Variants in PDE10A observed in about 807,000 individuals in gnomAD.
PDE10A encodes cAMP and cAMP-inhibited cGMP 3',5'-cyclic phosphodiesterase 10A.
Under a neutral mutation model 97.7 loss-of-function variants are expected in PDE10A, and 39 were observed. The observed-to-expected ratio is 0.40, with a 90% confidence interval of 0.31 to 0.52. The LOEUF is 0.52. Ranked by LOEUF, PDE10A falls within the 20% of genes least tolerant of loss-of-function variation. The pLI, the probability that PDE10A is intolerant of heterozygous loss-of-function variation, is 0.56. For synonymous variants in PDE10A, 371 were observed against 376.8 expected (o/e 0.98, Z 0.18); for missense variants, 731 against 1,047.8 (o/e 0.70, Z 4.17).
At chr6:165,601,148 G>A (rs1164688369) in intron 1 of PDE10A, among the ~76,000 whole-genome samples, 2 of 152,134 alleles carry the variant, frequency 1.3e-5, no homozygotes, top group Admixed American at 1.3e-4. Context: ...GGGTTACCAG[G>A]GGTTTCCACT....
At chr6:165,806,658 C>A (rs908632962) in intron 1 of PDE10A, among the ~76,000 whole-genome samples, 2 of 151,968 alleles carry the variant, frequency 1.3e-5, no homozygotes, top group Non-Finnish European at 2.9e-5. Context: ...CGCCCCCCCC[C>A]AGGCTCTTCT....
At chr6:165,483,781 C>T (rs902422521) in intron 2 of PDE10A, among the ~76,000 whole-genome samples, 15 of 152,194 alleles carry the variant, frequency 9.9e-5, no homozygotes, top group African/African-American at 2.9e-4. Context: ...CTGCTAGTCA[C>T]CACTACAGAT....
chr6:165,975,597 T>A (rs1375634437), intron 1 of PDE10A, among the ~76,000 whole-genome samples: 2 of 152,204 alleles, frequency 1.3e-5, no homozygotes, highest in East Asian at 3.8e-4. Flanking sequence ...GAGAATATAT[T>A]TTCATGGGGA....
chr6:165,752,090 C>A (rs193094102), intron 1 of PDE10A, among the ~76,000 whole-genome samples: 2 of 134,600 alleles, frequency 1.5e-5, no homozygotes, highest in Non-Finnish European at 3.0e-5. Context: ...TTGCAGTGAG[C>A]CAAGATCACG....
chr6:165,398,377 A>G (rs1279312944), intron 13 of PDE10A, among the ~76,000 whole-genome samples: 1 of 151,972 alleles, frequency 6.6e-6, no homozygotes, highest in African/African-American at 2.4e-5. Context: ...GCTACTGGGG[A>G]GGCTGAGGCA....
intron 2 of PDE10A, among the ~76,000 whole-genome samples, chr6:165,528,719 T>C (rs1186946455): frequency 6.6e-6 from 1 of 152,146 alleles, no homozygotes; most frequent in East Asian, 1.9e-4. Context: ...ATGGCTAAAG[T>C]AGTGCAGCAG....
intron 2 of PDE10A, among the ~76,000 whole-genome samples, chr6:165,484,111 C>G (rs1355620027): frequency 6.6e-6 from 1 of 152,208 alleles, no homozygotes; most frequent in Non-Finnish European, 1.5e-5. Context: ...TAGTATTCTA[C>G]TTAACTGAGA....
At chr6:165,517,065 A>C (rs1436726683) in intron 2 of PDE10A, among the ~76,000 whole-genome samples, 1 of 152,166 alleles carries the variant, frequency 6.6e-6, no homozygotes, top group East Asian at 1.9e-4. Context: ...TTATTCAATC[A>C]TTCTATCTTG....
intron 1 of PDE10A, among the ~76,000 whole-genome samples, chr6:165,794,346 C>T (rs1318871448): frequency 3.3e-5 from 5 of 151,480 alleles, no homozygotes; most frequent in Admixed American, 2.0e-4. Context: ...AACACCCAGA[C>T]TCACACAGAT....
At chr6:165,419,452 AG>A (rs1365162746) in intron 10 of PDE10A, among the ~76,000 whole-genome samples, 3 of 152,210 alleles carry the variant, frequency 2.0e-5, no homozygotes, top group Admixed American at 2.0e-4. Flanking sequence ...TGTACGTATT[AG>A]GAAAATTGAG....
At chr6:165,352,154 A>AAGG (rs1782736497) in intron 18 of PDE10A, among the ~76,000 whole-genome samples, 1 of 152,206 alleles carries the variant, frequency 6.6e-6, no homozygotes, top group South Asian at 2.1e-4. Context: ...GCACCCAGAC[A>AAGG]ATTTGAGAAT....
chr6:165,787,297 C>A (rs1247945556), intron 1 of PDE10A, among the ~76,000 whole-genome samples: 2 of 152,024 alleles, frequency 1.3e-5, no homozygotes, highest in African/African-American at 4.8e-5. Flanking sequence ...GAATGCTTTA[C>A]AAGAAATGAA....
chr6:165,607,733 A>G (rs144447989), intron 1 of PDE10A, among the ~76,000 whole-genome samples: 128 of 152,334 alleles, frequency 8.4e-4, no homozygotes, highest in African/African-American at 3.0e-3. Flanking sequence ...GTTGGATAAC[A>G]TTTTGGAGAT....
At chr6:165,570,260 A>G (rs561416537) in intron 1 of PDE10A, among the ~76,000 whole-genome samples, 8 of 152,324 alleles carry the variant, frequency 5.3e-5, no homozygotes, top group Non-Finnish European at 1.0e-4. Flanking sequence ...TAACTGGACA[A>G]ATATTGTGTC....
intron 1 of PDE10A, among the ~76,000 whole-genome samples, chr6:165,890,983 T>G (rs774399775): frequency 3.9e-5 from 6 of 152,200 alleles, no homozygotes; most frequent in Non-Finnish European, 8.8e-5. Flanking sequence ...ACAAATGATT[T>G]TTCCCACAAC....
chr6:165,580,974 T>C (rs945050320), intron 1 of PDE10A, among the ~76,000 whole-genome samples: 27 of 152,218 alleles, frequency 1.8e-4, no homozygotes, highest in African/African-American at 6.3e-4. Context: ...AGAAAGAAGA[T>C]GGTAAGTTCA....
At chr6:165,722,952 C>T (rs1488466793) in intron 1 of PDE10A, among the ~76,000 whole-genome samples, 1 of 151,846 alleles carries the variant, frequency 6.6e-6, no homozygotes. Flanking sequence ...ATATATATCA[C>T]CCAGAATCTT....
chr6:165,957,521 T>C (rs1562326316), intron 1 of PDE10A, among the ~76,000 whole-genome samples: 1 of 151,968 alleles, frequency 6.6e-6, no homozygotes. Flanking sequence ...AAAAAATATA[T>C]ATGATTAATA....
At chr6:165,700,207 A>G (rs1791534042) in intron 1 of PDE10A, among the ~76,000 whole-genome samples, 1 of 152,220 alleles carries the variant, frequency 6.6e-6, no homozygotes, top group East Asian at 1.9e-4. Flanking sequence ...ACAAGAGACC[A>G]CATACTGGAT....
Sources: allele counts gnomAD v4.1 joint callset (sites outside exome capture counted in the v4.1 genomes callset), GRCh38; gene constraint gnomAD v4.1.1; transcripts MANE v1.5; gene names NCBI Gene and HGNC (gene_info 2026-07-23, HGNC 2026-07-21).